The following TMEM255B variants were observed in gnomAD, a reference collection of about 807,000 sequenced individuals.
TMEM255B encodes transmembrane protein 255B.
TMEM255B carries 35 observed loss-of-function variants against 34.5 expected under a neutral mutation model. The ratio of observed to expected loss-of-function variants is 1.01; its 90% CI spans 0.77 to 1.34. The LOEUF (loss-of-function observed/expected upper bound fraction) is 1.34, where lower values mean the gene tolerates loss of function less well. Ranked by LOEUF, TMEM255B falls within the 40% of genes most tolerant of loss-of-function variation. The pLI, the probability that TMEM255B is intolerant of heterozygous loss-of-function variation, is 0.00. For synonymous variants in TMEM255B, 206 were observed against 201.2 expected, an observed-to-expected ratio of 1.02 and a Z score of -0.20; for missense variants, 432 against 433.2, an observed-to-expected ratio of 1.00 and a Z score of 0.02.
At chr13:113,799,847 C>T (rs577857370) in intron 5 of TMEM255B, 13 of 704,844 alleles carry the variant, frequency 1.8e-5, no homozygotes, top group Middle Eastern at 2.6e-4. Flanking sequence ...TAATGACCCG[C>T]GGGCGGCCGC....
chr13:113,761,584 ACTC>A (rs2050309220), intron 1 of TMEM255B, among the ~76,000 whole-genome samples: 1 of 151,954 alleles, frequency 6.6e-6, no homozygotes, highest in Non-Finnish European at 1.5e-5. Context: ...ACATCTCAGA[ACTC>A]CTCCTTGCAA....
intron 4 of TMEM255B, 113 bp from the exon 5 acceptor site, chr13:113,799,226 T>C: frequency 2.2e-6 from 2 of 915,792 alleles, no homozygotes; most frequent in South Asian, 3.0e-5. Flanking sequence ...AAGTTGGTGT[T>C]GGCCTTGGTC....
intron 8 of TMEM255B, among the ~76,000 whole-genome samples, chr13:113,810,088 A>G (rs1256252298): frequency 3.9e-5 from 6 of 152,254 alleles, no homozygotes; most frequent in Admixed American, 1.3e-4. Context: ...AGGTCCTGCT[A>G]GCTCCCAGGG....
chr13:113,801,087 CCTT>C (rs1330211085), intron 6 of TMEM255B, among the ~76,000 whole-genome samples, 175 bp downstream of exon 6: 3 of 152,120 alleles, frequency 2.0e-5, no homozygotes, highest in Non-Finnish European at 4.4e-5. Context: ...AGGCCTCCAT[CCTT>C]CTGCTCCTGA....
At chr13:113,805,663 T>TG (rs1245304910) in intron 8 of TMEM255B, among the ~76,000 whole-genome samples, 1 of 152,238 alleles carries the variant, frequency 6.6e-6, no homozygotes, top group African/African-American at 2.4e-5. Flanking sequence ...GGCCAACCGC[T>TG]GTGCTGGGGC....
In TMEM255B at chr13:113,759,296, G is replaced by T; in HGVS notation, c.27G>T (p.Leu9=). The change falls in exon 1 of 9, where the codon CTG becomes CTT. Residue 9 remains leucine (L), a synonymous_variant. Transcript: ENST00000375353. ...TGCAGCCGCCGGTGCCCGGGCCCCTGGGCCTGCTGGACCCCGCAGGTGAGC... is the reference window on the plus strand; with the variant it reads ...TGCAGCCGCCGGTGCCCGGGCCCCTTGGCCTGCTGGACCCCGCAGGTGAGC... MQPPVPGP[L]GLLDPAEGLS... 8.1e-7 allele frequency: 1 copy of T among 1,229,372 alleles called. No individual in the cohort carries two copies. 76.2% of individuals were successfully genotyped at this position (1,229,372 alleles called of 1,614,324 possible).
At chr13:113,801,419 G>A (rs1349021927) in intron 6 of TMEM255B, among the ~76,000 whole-genome samples, 5 of 152,300 alleles carry the variant, frequency 3.3e-5, no homozygotes, top group Admixed American at 2.0e-4. Flanking sequence ...GGGCGGGCCC[G>A]CCAGGCCCAG....
At chr13:113,763,122 C>G (rs1371229325) in intron 1 of TMEM255B, among the ~76,000 whole-genome samples, 1 of 152,128 alleles carries the variant, frequency 6.6e-6, no homozygotes, top group African/African-American at 2.4e-5. Context: ...TACATGGAGG[C>G]TGGTGAGGGT....
chr13:113,791,872 T>C (rs953524462), intron 3 of TMEM255B, among the ~76,000 whole-genome samples: 7 of 152,232 alleles, frequency 4.6e-5, no homozygotes, highest in Non-Finnish European at 8.8e-5. Flanking sequence ...TTGCATCTAA[T>C]GCTGGAAGCA....
chr13:113,766,000 C>A (rs117383135), intron 1 of TMEM255B, 115 bp from the exon 2 acceptor site: 4 of 1,395,474 alleles, frequency 2.9e-6, no homozygotes, highest in Admixed American at 2.0e-5. Context: ...TGGAGGCAGG[C>A]GGGGATAGTG....
At chr13:113,797,142 C>T (rs918111331) in intron 4 of TMEM255B, among the ~76,000 whole-genome samples, 6 of 152,072 alleles carry the variant, frequency 3.9e-5, no homozygotes, top group Admixed American at 1.3e-4. Context: ...TTCCGGACCT[C>T]GGGCGCCTGT....
intron 1 of TMEM255B, 53 bp downstream of exon 1, chr13:113,759,368 C>G: frequency 8.2e-7 from 1 of 1,226,734 alleles, no homozygotes; most frequent in Non-Finnish European, 1.0e-6. Context: ...GCGTGGGGAC[C>G]CCGGGGCTGG....
At chr13:113,804,519 C>T (rs987036585) in intron 7 of TMEM255B, among the ~76,000 whole-genome samples, 4 of 152,184 alleles carry the variant, frequency 2.6e-5, no homozygotes, top group South Asian at 2.1e-4. Flanking sequence ...TAGCAGGTGG[C>T]GGGGCCCTGG....
At chr13:113,775,825 C>T (rs544048915) in intron 3 of TMEM255B, among the ~76,000 whole-genome samples, 3 of 152,352 alleles carry the variant, frequency 2.0e-5, no homozygotes, top group South Asian at 2.1e-4. Context: ...CCCAGCTCTC[C>T]GTGCCTGTCA....
rs368196745 is a variant in TMEM255B at position 113,801,353 on chromosome 13, CAG to C, written c.510-296_510-295del. The stretch of plus-strand genomic sequence containing the variant: ...CGGCCTTCCCATCCTGGCGTGAAGA[CAG>C]AGATGGCTCAGCCGGGGCCCAGACA... On this transcript the variant is annotated intron_variant, in intron 6 of 8. Coordinates refer to ENST00000375353, the MANE Select transcript of TMEM255B (RefSeq NM_182614.4). 2.6e-3 allele frequency among the ~76,000 whole-genome samples: 399 copies of C among 152,340 alleles called. 2 individuals are homozygous for C. Among genetic ancestry groups the C allele is most frequent in the African/African-American group, 9.2e-3 (381 of 41,584 alleles).
chr13:113,801,791 C>A lies in TMEM255B; in HGVS notation c.648C>A (p.Val216=). The change falls in exon 7 of 9, where the codon GTC becomes GTA. Residue 216 remains valine, a synonymous_variant. Transcript: ENST00000375353. ...TCCTGGGCATCATCACCGCCGCCGT[C>A]CTGGGGGCCTTCAAGGACATGGTGA... The part of the protein sequence containing the change: ...GLFLGIITAA[V]LGAFKDMVPL... The A allele has an allele frequency of 6.2e-7, 1 of 1,610,576 alleles. No homozygotes were observed. Among genetic ancestry groups the A allele is most frequent in the South Asian group, 1.1e-5 (1 of 90,430 alleles).
intron 8 of TMEM255B, among the ~76,000 whole-genome samples, chr13:113,805,304 A>G (rs111801150): frequency 0.031 from 4,698 of 152,264 alleles, 125 homozygotes; most frequent in South Asian, 0.1. Flanking sequence ...AGGCCTGGGC[A>G]GCTCCCCGCT....
At chr13:113,807,363 A>C (rs1405745286) in intron 8 of TMEM255B, among the ~76,000 whole-genome samples, 48 of 92,674 alleles carry the variant, frequency 5.2e-4, no homozygotes, top group East Asian at 1.4e-3. Flanking sequence ...CCGTCACACG[A>C]GGGCTTACGG....
chr13:113,780,178 C>T (rs991484853), intron 3 of TMEM255B, among the ~76,000 whole-genome samples: 1 of 152,200 alleles, frequency 6.6e-6, no homozygotes, highest in Non-Finnish European at 1.5e-5. Context: ...AGATCAGAAC[C>T]CCTGTGCAGG....
Sources: allele counts gnomAD v4.1 joint callset (sites outside exome capture counted in the v4.1 genomes callset), GRCh38; gene constraint gnomAD v4.1.1; transcripts MANE v1.5; gene names NCBI Gene and HGNC (gene_info 2026-07-23, HGNC 2026-07-21).